MPHOSPH9: variants seen among roughly 807,000 people sequenced by gnomAD.
The protein encoded by MPHOSPH9 is M-phase phosphoprotein 9.
Under a neutral mutation model 145.5 loss-of-function variants are expected in MPHOSPH9, and 88 were observed. The ratio of observed to expected loss-of-function variants is 0.60; its 90% CI spans 0.51 to 0.72. The LOEUF is 0.72. Among genes scored for constraint, MPHOSPH9 ranks in the 30% least tolerant of loss-of-function variants. MPHOSPH9 has a pLI of 0.00. For missense variants in MPHOSPH9, 1,238 were observed against 1,386.6 expected, an observed-to-expected ratio of 0.89 and a Z score of 1.70; for synonymous variants, 435 against 486.2, an observed-to-expected ratio of 0.89 and a Z score of 1.39.
intron 22 of MPHOSPH9, 99 bp downstream of exon 22, chr12:123,161,037 G>T: frequency 2.1e-6 from 3 of 1,452,282 alleles, no homozygotes; most frequent in Non-Finnish European, 2.8e-6. Flanking sequence ...TTATCCCATT[G>T]TAATTTCCTG....
intron 15 of MPHOSPH9, among the ~76,000 whole-genome samples, chr12:123,178,817 C>A (rs1033304187): frequency 6.6e-6 from 1 of 152,224 alleles, no homozygotes; most frequent in African/African-American, 2.4e-5. Flanking sequence ...AGCCACTGCA[C>A]CCAGCCCAGT....
chr12:123,204,520 C>T (rs967433320), intron 8 of MPHOSPH9, among the ~76,000 whole-genome samples: 4 of 152,160 alleles, frequency 2.6e-5, no homozygotes, highest in Non-Finnish European at 4.4e-5. Context: ...CCCATCACTT[C>T]TCAGCCTTTT....
At position 123,214,851 on chromosome 12, in the gene MPHOSPH9, TATTG is replaced by T; in HGVS notation, c.997-21_997-18del. 1 of 1,594,834 alleles carries T rather than the reference TATTG, an allele frequency of 6.3e-7. No individual in the cohort carries two copies. Among genetic ancestry groups the T allele is most frequent in the Non-Finnish European group, 8.6e-7 (1 of 1,163,164 alleles). ...AAAATCAGACTACAAGAAAGAAAAC[TATTG>T]ATTGACAGCTAAAAGTCATTAGGCA... On this transcript the variant is annotated intron_variant, in intron 6 of 23. Transcript: ENST00000606320.
intron 2 of MPHOSPH9, among the ~76,000 whole-genome samples, chr12:123,229,496 A>G (rs377542034): frequency 5.1e-4 from 78 of 152,352 alleles, no homozygotes; most frequent in African/African-American, 1.8e-3. Context: ...TTAGTCCACT[A>G]TTTTGTCTAC....
At chr12:123,164,776 A>G (rs1413145174) in intron 18 of MPHOSPH9, among the ~76,000 whole-genome samples, 1 of 152,190 alleles carries the variant, frequency 6.6e-6, no homozygotes, top group Non-Finnish European at 1.5e-5. Context: ...GTGGAGGACA[A>G]GGCGGGTGGA....
Position 123,154,689 on chromosome 12 carries a change from G to A in MPHOSPH9, c.*2118C>T, listed in dbSNP as rs2043827622. On this transcript the variant is annotated 3_prime_UTR_variant, in exon 24 of 24. Transcript: ENST00000606320. ...ATTTTACAATAAAAGTAGGGAACAA[G>A]GAAATATCCTAACAATTTTCAAGTT... The A allele has an allele frequency of 6.6e-6, 1 of 152,092 alleles. No individual in the cohort carries two copies. The highest frequency in any genetic ancestry group is 6.5e-5 in the Admixed American group (1 of 15,268). The allele number at this position is 152,092 out of a possible 1,614,324, so 9.4% of individuals were successfully genotyped here.
At position 123,154,687 on chromosome 12, in the gene MPHOSPH9, A is replaced by C. The variant is rs569229418; in HGVS notation, c.*2120T>G. 20 of 152,352 alleles carry C rather than the reference A, an allele frequency of 1.3e-4. No individual in the cohort carries two copies. The South Asian group carries it at 2.7e-3, about 20-fold the overall frequency. 9.4% of individuals were successfully genotyped at this position (152,352 alleles called of 1,614,324 possible). On this transcript the variant is annotated 3_prime_UTR_variant, in exon 24 of 24. Coordinates refer to ENST00000606320, the MANE Select transcript of MPHOSPH9 (RefSeq NM_022782.4). ...AGATTTTACAATAAAAGTAGGGAAC[A>C]AGGAAATATCCTAACAATTTTCAAG...
At position 123,155,208 on chromosome 12, in the gene MPHOSPH9, A is replaced by G. The variant is rs1233659303; in HGVS notation, c.*1599T>C. 1 of 85,892 alleles carries G rather than the reference A, an allele frequency of 1.2e-5. No homozygotes were observed. Among genetic ancestry groups the G allele is most frequent in the Non-Finnish European group, 3.4e-5 (1 of 29,722 alleles). 5.3% of individuals were successfully genotyped at this position (85,892 alleles called of 1,614,324 possible). A position where few individuals can be genotyped will look rare whatever the true frequency, so the allele number is the denominator to read the frequency against. On this transcript the variant is annotated 3_prime_UTR_variant, in exon 24 of 24. Coordinates refer to ENST00000606320, the MANE Select transcript of MPHOSPH9 (RefSeq NM_022782.4). ...ACAAGGGCAAAACTCCATCTAAAAA[A>G]ATAAATAAATAAAATAAAATAAAAA...
intron 16 of MPHOSPH9, among the ~76,000 whole-genome samples, chr12:123,169,029 C>T (rs1489590871): frequency 6.6e-6 from 1 of 151,632 alleles, no homozygotes; most frequent in African/African-American, 2.4e-5. Flanking sequence ...GGACTACAGG[C>T]GCCCACCACC....
At chr12:123,239,420 T>C (rs931998345) in intron 1 of MPHOSPH9, among the ~76,000 whole-genome samples, 1 of 152,054 alleles carries the variant, frequency 6.6e-6, no homozygotes, top group African/African-American at 2.4e-5. Context: ...GTTTGTTTTT[T>C]TGAGACAGAG....
Position 123,160,775 on chromosome 12 carries a change from T to C in MPHOSPH9, c.3450+6A>G, listed in dbSNP as rs2137867017. The C allele has an allele frequency of 1.2e-6, 2 of 1,613,302 alleles. No homozygotes were observed. Among genetic ancestry groups the C allele is most frequent in the East Asian group, 4.5e-5 (2 of 44,874 alleles). On this transcript the variant is annotated splice_donor_region_variant and intron_variant, in intron 23 of 23. Coordinates refer to ENST00000606320, the MANE Select transcript of MPHOSPH9 (RefSeq NM_022782.4). Reference sequence around the variant, plus strand: ...TCTAAAGCAGATTCAAGCTAAGACATTTCACCTGATTTAATCTTGTCTGTA... The same window carrying C: ...TCTAAAGCAGATTCAAGCTAAGACACTTCACCTGATTTAATCTTGTCTGTA...
intron 16 of MPHOSPH9, among the ~76,000 whole-genome samples, chr12:123,168,149 G>A (rs1404040260): frequency 6.6e-6 from 1 of 151,962 alleles, no homozygotes; most frequent in Non-Finnish European, 1.5e-5. Context: ...CCACACTCAC[G>A]ATACTTTCTC....
At chr12:123,203,498 G>T in intron 8 of MPHOSPH9, 123 bp from the exon 9 acceptor site, 1 of 854,052 alleles carries the variant, frequency 1.2e-6, no homozygotes, top group Non-Finnish European at 1.8e-6. Flanking sequence ...TAGACTGTCA[G>T]ATTTGTAATA....
chr12:123,241,582 C>CA (rs1402599725), intron 1 of MPHOSPH9, among the ~76,000 whole-genome samples: 1 of 152,104 alleles, frequency 6.6e-6, no homozygotes, highest in Non-Finnish European at 1.5e-5. Context: ...TCAGGTGATC[C>CA]ACCTACTTCA....
chr12:123,227,668 G>T, intron 2 of MPHOSPH9, 52 bp from the exon 3 acceptor site: 2 of 1,409,380 alleles, frequency 1.4e-6, no homozygotes, highest in South Asian at 1.5e-5. Context: ...TCAAAGTGTT[G>T]AATAATTCAG....
At chr12:123,158,171 G>A (rs925435299) in intron 23 of MPHOSPH9, among the ~76,000 whole-genome samples, 1 of 152,002 alleles carries the variant, frequency 6.6e-6, no homozygotes, top group Admixed American at 6.6e-5. Flanking sequence ...CATATTTTTA[G>A]TAGAGACAGG....
chr12:123,203,066 T>C lies in MPHOSPH9; in HGVS notation c.1339A>G (p.Thr447Ala), dbSNP rs147793766. ...HPPEVLTLDP[T>A]LHMKPKQQIS... The stretch of plus-strand genomic sequence containing the variant: ...TGCTGCTTTGGCTTCATGTGTAACG[T>C]AGGATCTAGAGTCAGGACCTGGAAA... Residue 447 changes from threonine to alanine, a missense_variant, in exon 10 of 24, where the codon ACG becomes GCG. Physicochemically the swap from Thr to Ala is moderately conservative, Grantham distance 58 (BLOSUM62 0). Coordinates refer to ENST00000606320, the MANE Select transcript of MPHOSPH9 (RefSeq NM_022782.4). 4,609 of 1,613,560 alleles carry C rather than the reference T, an allele frequency of 2.9e-3. 14 individuals are homozygous for C. The highest frequency in any genetic ancestry group is 3.8e-3 in the Admixed American group (226 of 59,926).
downstream of MPHOSPH9, chr12:123,152,880 C>CTTAT (rs2043802211): frequency 6.0e-6 from 1 of 167,218 alleles, no homozygotes; most frequent in Non-Finnish European, 1.3e-5. Flanking sequence ...TTTTTTAAAG[C>CTTAT]TTCTTAAAGA....
At chr12:123,243,120 T>A (rs940491655) in intron 1 of MPHOSPH9, among the ~76,000 whole-genome samples, 3 of 152,214 alleles carry the variant, frequency 2.0e-5, no homozygotes, top group African/African-American at 7.2e-5. Flanking sequence ...TATACACATT[T>A]CATACACATT....
Sources: allele counts gnomAD v4.1 joint callset (sites outside exome capture counted in the v4.1 genomes callset), GRCh38; gene constraint gnomAD v4.1.1; transcripts MANE v1.5; gene names NCBI Gene and HGNC (gene_info 2026-07-23, HGNC 2026-07-21).